JAKMIP1: variants seen among roughly 807,000 people sequenced by gnomAD.
The protein encoded by JAKMIP1 is janus kinase and microtubule interacting protein 1.
Under a neutral mutation model 113.0 loss-of-function variants are expected in JAKMIP1, and 33 were observed. That is an observed-to-expected ratio of 0.29 (90% CI 0.22 to 0.39). JAKMIP1 has a LOEUF of 0.39. Ranked by LOEUF, JAKMIP1 falls within the 10% of genes least tolerant of loss-of-function variation. The pLI, the probability that JAKMIP1 is intolerant of heterozygous loss-of-function variation, is 1.00. For missense variants in JAKMIP1, 813 were observed against 1,080.5 expected (o/e 0.75, Z 3.47); for synonymous variants, 480 against 459.9 (o/e 1.04, Z -0.56).
chr4:6,084,176 G>A (rs1396452275), intron 5 of JAKMIP1, among the ~76,000 whole-genome samples: 1 of 151,978 alleles, frequency 6.6e-6, no homozygotes, highest in East Asian at 1.9e-4. Context: ...AATTAGCCGG[G>A]CATGGTGGCA....
At chr4:6,126,669 CCA>C (rs1228526773) in intron 1 of JAKMIP1, among the ~76,000 whole-genome samples, 2 of 148,828 alleles carry the variant, frequency 1.3e-5, no homozygotes, top group African/African-American at 2.5e-5. Context: ...CATGCCCCCC[CCA>C]CACACACCCA....
rs73073449 is a variant in JAKMIP1 at position 6,059,498 on chromosome 4, C to A, written c.1644+926G>T. 4.6e-5 allele frequency among the ~76,000 whole-genome samples: 7 copies of A among 152,176 alleles called. No individual in the cohort carries two copies. Among genetic ancestry groups the A allele is most frequent in the Non-Finnish European group, 1.0e-4 (7 of 68,036 alleles). On this transcript the variant is annotated intron_variant, in intron 11 of 20. Transcript: ENST00000409021. The surrounding 1 kb of genome is among the most constrained non-coding windows in gnomAD (Gnocchi z 4.8). ...ACCTTGCCTGGCCTCCTCAGCCCCC[C>A]ATAGATGCCTCTCTGCAGGCAGGGG...
At chr4:6,070,226 G>A (rs766217057) in intron 8 of JAKMIP1, 36 of 397,854 alleles carry the variant, frequency 9.0e-5, no homozygotes, top group African/African-American at 5.5e-4. Context: ...CCACCTCGTC[G>A]GCATCCATTT....
At chr4:6,104,570 GTC>G (rs763016091) in intron 3 of JAKMIP1, among the ~76,000 whole-genome samples, 20 of 152,182 alleles carry the variant, frequency 1.3e-4, no homozygotes, top group Non-Finnish European at 1.2e-4. Context: ...TAATTAAGAT[GTC>G]TCTCTTGTAA....
At chr4:6,115,089 A>C (rs1715538089) in intron 1 of JAKMIP1, among the ~76,000 whole-genome samples, 1 of 152,252 alleles carries the variant, frequency 6.6e-6, no homozygotes, top group Non-Finnish European at 1.5e-5. Flanking sequence ...GGAAAAGGTC[A>C]GTACCACAAA....
chr4:6,048,757 C>T lies in JAKMIP1; in HGVS notation c.2028+100G>A, dbSNP rs1715298322. The T allele has an allele frequency of 1.4e-5, 13 of 960,122 alleles. No homozygotes were observed. The Middle Eastern group carries it at 6.4e-4, about 47-fold the overall frequency. The allele number at this position is 960,122 out of a possible 1,614,324, so 59.5% of individuals were successfully genotyped here. A position where few individuals can be genotyped will look rare whatever the true frequency, so the allele number is the denominator to read the frequency against. On this transcript the variant is annotated intron_variant, in intron 16 of 20. Coordinates refer to ENST00000409021, the MANE Select transcript of JAKMIP1 (RefSeq NM_001099433.2). ...ACGTGCAGACGCAGACGGACTGGAA[C>T]GCATGCTCCCACGCAAAGCAAGACG...
chr4:6,145,540 T>C (rs1041205333), intron 1 of JAKMIP1, among the ~76,000 whole-genome samples: 9 of 152,142 alleles, frequency 5.9e-5, no homozygotes, highest in African/African-American at 2.2e-4. Context: ...TCTGGGTATA[T>C]ATTCAAAAGA....
intron 8 of JAKMIP1, among the ~76,000 whole-genome samples, chr4:6,075,176 A>G (rs981766219): frequency 8.7e-4 from 97 of 111,860 alleles, no homozygotes; most frequent in Admixed American, 8.2e-4. Flanking sequence ...CTCAAAACAA[A>G]AAGAAAAGGA....
At chr4:6,030,481 C>T (rs963283012) in intron 19 of JAKMIP1, among the ~76,000 whole-genome samples, 11 of 152,126 alleles carry the variant, frequency 7.2e-5, no homozygotes, top group African/African-American at 2.7e-4. Context: ...GGTGGTTTAC[C>T]GATCATTCCT....
At chr4:6,109,989 T>C (rs571070329) in intron 2 of JAKMIP1, among the ~76,000 whole-genome samples, 3 of 152,228 alleles carry the variant, frequency 2.0e-5, no homozygotes, top group East Asian at 1.9e-4. Flanking sequence ...CAAGTGGAAA[T>C]TGCCACACGT....
chr4:6,035,892 G>C lies in JAKMIP1; in HGVS notation c.2379+12C>G. On this transcript the variant is annotated intron_variant, in intron 19 of 20. Coordinates refer to ENST00000409021, the MANE Select transcript of JAKMIP1 (RefSeq NM_001099433.2). ...CCGGGGTGCTGTGGGCACAGCCGCT[G>C]TTGCCGCCTACCTGCTGGGCCTGCT... The C allele has an allele frequency of 6.5e-7, 1 of 1,545,168 alleles. No homozygotes were observed. Among genetic ancestry groups the C allele is most frequent in the Non-Finnish European group, 8.7e-7 (1 of 1,144,988 alleles).
At chr4:6,112,219 G>A (rs992035610) in intron 2 of JAKMIP1, among the ~76,000 whole-genome samples, 1 of 152,192 alleles carries the variant, frequency 6.6e-6, no homozygotes, top group African/African-American at 2.4e-5. Context: ...AATAGCCGAA[G>A]CTCAGCCAAT....
chr4:6,164,673 A>T (rs1723391629), intron 1 of JAKMIP1, among the ~76,000 whole-genome samples: 2 of 152,236 alleles, frequency 1.3e-5, no homozygotes, highest in African/African-American at 4.8e-5. Flanking sequence ...GATTCATGAG[A>T]AGAGGTCAAA....
chr4:6,181,426 C>T lies in JAKMIP1; in HGVS notation c.-148+18827G>A, dbSNP rs1726007074. Among the ~76,000 whole-genome samples the T allele has an allele frequency of 6.6e-6, 1 of 152,154 alleles. No individual in the cohort carries two copies. The highest frequency in any genetic ancestry group is 2.1e-4 in the South Asian group (1 of 4,824). ...CTATCAGGTTACCACCAGCTCAGTA[C>T]AGAAGGAAGTCCTTCTCAGGTGCAG... On this transcript the variant is annotated intron_variant, in intron 1 of 20. Coordinates refer to ENST00000409021, the MANE Select transcript of JAKMIP1 (RefSeq NM_001099433.2). This position sits in a 1 kb window ranked among gnomAD's most constrained non-coding sequence, Gnocchi z 5.4.
rs1720218816 is a variant in JAKMIP1, at chr4:6,141,934, C to A, written c.-147-28937G>T. ...TCTCATTTTAAAAATCAAGTTTACT[C>A]CAATAAAGAAACTTGGGAGAACACA... On this transcript the variant is annotated intron_variant, in intron 1 of 20. Transcript: ENST00000409021. This position sits in a 1 kb window ranked among gnomAD's most constrained non-coding sequence, Gnocchi z 9.4. Among the ~76,000 whole-genome samples, 1 of 152,206 alleles carries A rather than the reference C, an allele frequency of 6.6e-6. No individual in the cohort carries two copies. The highest frequency in any genetic ancestry group is 2.1e-4 in the South Asian group (1 of 4,814).
chr4:6,161,197 C>G (rs1722897868), intron 1 of JAKMIP1, among the ~76,000 whole-genome samples: 1 of 148,346 alleles, frequency 6.7e-6, no homozygotes, highest in African/African-American at 2.5e-5. Context: ...CTGATCTCCA[C>G]TCATCTCCCC....
rs1715686322 is a variant in JAKMIP1, at chr4:6,051,733, A to G, written c.1807-1054T>C. ...GGTATTTATTAATCATACATAAATG[A>G]CAAGGTTTTAAAAGGTCGGGAAAAC... is the stretch of plus-strand genomic sequence containing the variant. On this transcript the variant is annotated intron_variant, in intron 13 of 20. Coordinates refer to ENST00000409021, the MANE Select transcript of JAKMIP1 (RefSeq NM_001099433.2). The surrounding 1 kb of genome is among the most constrained non-coding windows in gnomAD (Gnocchi z 5.0). Among the ~76,000 whole-genome samples, 1 of 152,264 alleles carries G rather than the reference A, an allele frequency of 6.6e-6. No homozygotes were observed. Among genetic ancestry groups the G allele is most frequent in the Admixed American group, 6.5e-5 (1 of 15,292 alleles).
chr4:6,045,259 C>T (rs1480393306), intron 16 of JAKMIP1, among the ~76,000 whole-genome samples: 1 of 152,240 alleles, frequency 6.6e-6, no homozygotes. Context: ...GTGTCTTTTT[C>T]TCGATCCACT....
At chr4:6,066,134 G>T (rs1473282355) in intron 8 of JAKMIP1, among the ~76,000 whole-genome samples, 1 of 152,024 alleles carries the variant, frequency 6.6e-6, no homozygotes, top group African/African-American at 2.4e-5. Flanking sequence ...TCCAAAACAT[G>T]ACTTCACCCA....
Sources: gnomAD v4.1 joint callset for allele counts (sites outside exome capture counted in the v4.1 genomes callset) on GRCh38, gnomAD v4.1.1 for gene constraint, Gnocchi (gnomAD v3.1) non-coding constraint, MANE v1.5 for transcripts, NCBI Gene and HGNC (gene_info 2026-07-23, HGNC 2026-07-21) for gene names.